Variants in HK1 observed in about 807,000 individuals in gnomAD.
HK1 encodes hexokinase-1.
Under a neutral mutation model 91.6 loss-of-function variants are expected in HK1, and 28 were observed. The observed-to-expected ratio is 0.31, with a 90% CI of 0.23 to 0.42. The LOEUF (loss-of-function observed/expected upper bound fraction) is 0.42. HK1 is among the 10% of genes least tolerant of loss of function. The pLI is 1.00. For missense variants in HK1, 770 were observed against 1,219.8 expected (o/e 0.63, Z 5.49); for synonymous variants, 430 against 468.1 (o/e 0.92, Z 1.05).
chr10:69,292,800 C>T (rs1302344094), intron 3 of HK1, among the ~76,000 whole-genome samples: 1 of 152,132 alleles, frequency 6.6e-6, no homozygotes, highest in Non-Finnish European at 1.5e-5. Flanking sequence ...CAATCAGAAT[C>T]CTATGAGATC....
chr10:69,377,109 G>C lies in HK1; in HGVS notation c.1031+20G>C, dbSNP rs1275451969. ...CGAAAAGTAGGTACCATCCCCTCAA[G>C]GCTTTCTTGGGGTGTTGGGGCAGAG... On this transcript the variant is annotated intron_variant, in intron 8 of 17. Transcript: ENST00000359426. The C allele has an allele frequency of 1.2e-6, 2 of 1,614,012 alleles. No individual in the cohort carries two copies. Among genetic ancestry groups the C allele is most frequent in the Admixed American group, 3.3e-5 (2 of 60,024 alleles).
At chr10:69,273,361 G>A (rs774464282) in intron 1 of HK1, among the ~76,000 whole-genome samples, 2 of 152,028 alleles carry the variant, frequency 1.3e-5, no homozygotes, top group Admixed American at 1.3e-4. Flanking sequence ...GACTACAGGC[G>A]CCCGTCACCA....
chr10:69,318,487 C>T (rs910425515), upstream of HK1, among the ~76,000 whole-genome samples: 2 of 152,216 alleles, frequency 1.3e-5, no homozygotes, highest in South Asian at 4.1e-4. Context: ...CCGGGCGGTG[C>T]CTCCTGCCTG....
chr10:69,356,255 T>G (rs1849120227), intron 2 of HK1, among the ~76,000 whole-genome samples: 1 of 151,976 alleles, frequency 6.6e-6, no homozygotes, highest in Non-Finnish European at 1.5e-5. Flanking sequence ...GGCAACATAG[T>G]GAGACCTTGT....
Position 69,282,025 on chromosome 10 carries a change from C to G in HK1, c.-390-504C>G, listed in dbSNP as rs11815513. ...CGCTCTAAGCCTCAGCTACAGCACC[C>G]ATAAAACAAAGAATTAAGGCTCCAG... On this transcript the variant is annotated intron_variant, in intron 1 of 21. Transcript: ENST00000360289. 1.7e-3 allele frequency among the ~76,000 whole-genome samples: 260 copies of G among 152,272 alleles called. 2 individuals carry two copies. Among genetic ancestry groups the G allele is most frequent in the African/African-American group, 6.0e-3 (251 of 41,544 alleles).
At chr10:69,345,071 G>C (rs920080047) in intron 2 of HK1, among the ~76,000 whole-genome samples, 10 of 152,112 alleles carry the variant, frequency 6.6e-5, no homozygotes, top group Admixed American at 6.6e-5. Context: ...TGTTGCAACT[G>C]ATGTTCTTGA....
At chr10:69,320,650 C>T (rs989115347) in intron 1 of HK1, among the ~76,000 whole-genome samples, 1 of 152,150 alleles carries the variant, frequency 6.6e-6, no homozygotes, top group Non-Finnish European at 1.5e-5. Context: ...TCCTCCTGCA[C>T]GTGGTGTCCT....
At chr10:69,318,254 C>T (rs189015171), upstream of HK1, 293 of 984,472 alleles carry the variant, frequency 3.0e-4, no homozygotes, top group African/African-American at 4.6e-3. Flanking sequence ...GTGCGTTCGG[C>T]CTGGGTGAGG....
In HK1 at chr10:69,392,280, G is replaced by A. The variant is rs1424205690; in HGVS notation, c.2191G>A (p.Glu731Lys). The A allele has an allele frequency of 2.5e-6, 4 of 1,614,206 alleles. No homozygotes were observed. The highest frequency in any genetic ancestry group is 3.3e-4 in the Middle Eastern group (2 of 6,062). The change falls in exon 15 of 18, where the codon GAA (glutamate) becomes AAA (lysine). Residue 731 changes from glutamate (E) to lysine (K), a missense_variant. Transcript: ENST00000359426. Reference sequence around the variant, plus strand: ...GACACACTACGACAGACTGGTGGACGAATATTCCCTAAATGCTGGGAAACA... The same window carrying A: ...GACACACTACGACAGACTGGTGGACAAATATTCCCTAAATGCTGGGAAACA... ...IRTHYDRLVD[E>K]YSLNAGKQRY...
At chr10:69,366,505 C>T (rs1356415552) in intron 4 of HK1, among the ~76,000 whole-genome samples, 1 of 152,104 alleles carries the variant, frequency 6.6e-6, no homozygotes, top group Non-Finnish European at 1.5e-5. Context: ...CAGAGGTCTC[C>T]CCAGGGTCAC....
intron 2 of HK1, among the ~76,000 whole-genome samples, chr10:69,349,466 A>G (rs968270197): frequency 4.6e-5 from 7 of 152,218 alleles, no homozygotes; most frequent in African/African-American, 1.7e-4. Flanking sequence ...AGTCTTTCCT[A>G]ACCAATGGAG....
At chr10:69,325,782 C>T (rs901608086) in intron 1 of HK1, among the ~76,000 whole-genome samples, 6 of 151,566 alleles carry the variant, frequency 4.0e-5, no homozygotes, top group African/African-American at 1.2e-4. Flanking sequence ...AGTGATCTGC[C>T]CGCCTTGGCC....
intron 2 of HK1, among the ~76,000 whole-genome samples, chr10:69,352,536 C>T (rs1052798666): frequency 2.0e-5 from 3 of 152,122 alleles, no homozygotes; most frequent in Non-Finnish European, 4.4e-5. Flanking sequence ...ATAATCGGTT[C>T]ATAAAAAGGA....
At chr10:69,289,133 TG>T (rs1845164398) in intron 3 of HK1, among the ~76,000 whole-genome samples, 1 of 152,118 alleles carries the variant, frequency 6.6e-6, no homozygotes, top group Non-Finnish European at 1.5e-5. Flanking sequence ...CTGCTCTCCC[TG>T]GCAGAGGGGT....
intron 1 of HK1, among the ~76,000 whole-genome samples, chr10:69,340,045 G>A (rs189863743): frequency 2.6e-5 from 4 of 152,292 alleles, no homozygotes; most frequent in Non-Finnish European, 5.9e-5. Flanking sequence ...CCAGGATCCA[G>A]CATTGTTTGA....
intron 15 of HK1, among the ~76,000 whole-genome samples, chr10:69,392,702 G>C (rs980975048): frequency 1.3e-5 from 2 of 152,086 alleles, no homozygotes; most frequent in African/African-American, 4.8e-5. Flanking sequence ...TGAGCCTCCT[G>C]CACCACCTAG....
upstream of HK1, among the ~76,000 whole-genome samples, chr10:69,312,903 G>A (rs1183072941): frequency 6.6e-6 from 1 of 152,190 alleles, no homozygotes; most frequent in Admixed American, 6.5e-5. Flanking sequence ...CTTTACACAA[G>A]GGAGCCGTAT....
In HK1 at chr10:69,382,761, T is replaced by G. The variant is rs1447166315; in HGVS notation, c.1540T>G (p.Ser514Ala). 2 of 1,612,804 alleles carry G rather than the reference T, an allele frequency of 1.2e-6. No homozygotes were observed. Among genetic ancestry groups the G allele is most frequent in the Non-Finnish European group, 1.7e-6 (2 of 1,179,750 alleles). ...CAATGCCGTGGTTAAGATGCTGCCC[T>G]CCTTCGTCCGGAGAACTCCCGACGG... ...HNNAVVKMLP[S>A]FVRRTPDGTE... Residue 514 changes from serine to alanine, a missense_variant, in exon 10 of 18, where the codon TCC becomes GCC. Ser to Ala is a moderately conservative substitution (Grantham distance 99). Transcript: ENST00000359426.
chr10:69,341,359 C>T (rs1848283219), intron 1 of HK1, among the ~76,000 whole-genome samples: 1 of 151,648 alleles, frequency 6.6e-6, no homozygotes, highest in South Asian at 2.1e-4. Flanking sequence ...CGAGGTTTTG[C>T]CAAGTTTCCC....
Sources: gnomAD v4.1 joint callset for allele counts (sites outside exome capture counted in the v4.1 genomes callset) on GRCh38, gnomAD v4.1.1 for gene constraint, MANE v1.5 for transcripts, NCBI Gene and HGNC (gene_info 2026-07-23, HGNC 2026-07-21) for gene names.